Variants in NBAS observed in about 807,000 individuals in gnomAD.
NBAS encodes the protein NBAS subunit of NRZ tethering complex.
NBAS carries 219 observed loss-of-function variants against 302.5 expected under a neutral mutation model. The observed-to-expected ratio is 0.72, with a 90% confidence interval of 0.65 to 0.81. The LOEUF (loss-of-function observed/expected upper bound fraction) is 0.81, where lower values mean the gene tolerates loss of function less well. Ranked by LOEUF, NBAS falls within the 30% of genes least tolerant of loss-of-function variation. NBAS has a pLI of 0.00. For missense variants in NBAS, 2,932 were observed against 2,841.6 expected (o/e 1.03, Z -0.72); for synonymous variants, 1,118 against 1,021.6 (o/e 1.09, Z -1.80).
rs768106454 is a variant in NBAS, at chr2:15,275,584, T to C, written c.5624A>G (p.His1875Arg). 5.6e-6 allele frequency: 9 copies of C among 1,614,170 alleles called. No homozygotes were observed. The East Asian group carries it at 1.3e-4, about 24-fold the overall frequency. ...QVPGSSPEWL[H>R]AYDVCMKYFD... is the part of the protein sequence containing the mutation. ...GTACTTCATGCAGACATCATAGGCATGAAGCCACTCCGGTGAAGAGCCTGG... is the reference window on the plus strand; with the variant it reads ...GTACTTCATGCAGACATCATAGGCACGAAGCCACTCCGGTGAAGAGCCTGG... The change falls in exon 44 of 52, where the codon CAT becomes CGT. Residue 1875 changes from histidine (H) to arginine (R), a missense_variant. Coordinates refer to ENST00000281513, the MANE Select transcript of NBAS (RefSeq NM_015909.4).
intron 11 of NBAS, among the ~76,000 whole-genome samples, chr2:15,492,675 G>A (rs1022540227): frequency 3.3e-5 from 5 of 152,054 alleles, no homozygotes; most frequent in African/African-American, 1.2e-4. Context: ...TGCCCATGCT[G>A]GTCTCAAACT....
chr2:15,442,619 A>C (rs1431485138), intron 21 of NBAS, among the ~76,000 whole-genome samples: 2 of 151,946 alleles, frequency 1.3e-5, no homozygotes, highest in African/African-American at 4.8e-5. Flanking sequence ...AAACACATTC[A>C]AAAGCTAGCA....
At chr2:15,073,443 T>A in the NBAS span, among the ~76,000 whole-genome samples, 1 of 137,880 alleles carries the variant, frequency 7.3e-6, no homozygotes, top group African/African-American at 3.0e-5. Context: ...ACTATTGCAC[T>A]CCAGCCTGGG....
chr2:15,131,184 A>G, the NBAS span, among the ~76,000 whole-genome samples: 1 of 152,210 alleles, frequency 6.6e-6, no homozygotes, highest in Non-Finnish European at 1.5e-5. Flanking sequence ...GATGTTCAGT[A>G]TATATAAATT....
intron 30 of NBAS, among the ~76,000 whole-genome samples, chr2:15,375,458 G>T (rs1048134035): frequency 1.3e-5 from 2 of 152,160 alleles, no homozygotes; most frequent in African/African-American, 4.8e-5. Flanking sequence ...TAGAATCACA[G>T]ATCACGAGAT....
chr2:15,364,788 A>C (rs1199660634), intron 32 of NBAS, among the ~76,000 whole-genome samples: 1 of 152,104 alleles, frequency 6.6e-6, no homozygotes. Context: ...CCACGATCTG[A>C]TGAAATTTCA....
chr2:15,329,811 C>T (rs762629933), intron 36 of NBAS, among the ~76,000 whole-genome samples: 1 of 152,166 alleles, frequency 6.6e-6, no homozygotes, highest in Non-Finnish European at 1.5e-5. Flanking sequence ...TTCTGAAAAA[C>T]CTAACTTCTC....
the NBAS span, among the ~76,000 whole-genome samples, chr2:14,832,280 T>G: frequency 2.6e-5 from 4 of 152,188 alleles, no homozygotes; most frequent in Non-Finnish European, 5.9e-5. Context: ...ATGTTTGCTT[T>G]TTATTTGTTT....
At chr2:14,813,904 C>G in the NBAS span, among the ~76,000 whole-genome samples, 1 of 152,234 alleles carries the variant, frequency 6.6e-6, no homozygotes, top group Non-Finnish European at 1.5e-5. Context: ...TTTGGGGGGG[C>G]CAGGCCCATG....
intron 44 of NBAS, among the ~76,000 whole-genome samples, chr2:15,247,655 G>C (rs993151619): frequency 3.3e-4 from 50 of 151,182 alleles, no homozygotes; most frequent in Admixed American, 3.3e-3. Flanking sequence ...AATGCACCAA[G>C]AAGAGCTACT....
the NBAS span, among the ~76,000 whole-genome samples, chr2:14,992,205 A>C: frequency 6.6e-6 from 1 of 152,208 alleles, no homozygotes; most frequent in Non-Finnish European, 1.5e-5. Context: ...TATTTGCATT[A>C]TCCCTCCCAA....
rs541811148 is a variant in NBAS at position 15,179,052 on chromosome 2, A to T, written c.6776T>A (p.Leu2259His). The T allele has an allele frequency of 1.9e-6, 3 of 1,614,054 alleles. No individual in the cohort carries two copies. The highest frequency in any genetic ancestry group is 2.7e-5 in the African/African-American group (2 of 75,000). Residue 2259 changes from leucine to histidine, a missense_variant, in exon 51 of 52, where the codon CTC becomes CAC. Coordinates refer to ENST00000281513, the MANE Select transcript of NBAS (RefSeq NM_015909.4). ...QSLLLPSLKL[L>H]LESRDEHLHE... The stretch of plus-strand genomic sequence containing the variant: ...CAGATGCTCATCTCGGCTCTCGAGG[A>T]GAAGTTTCAGAGATGGAAGCAGGAG...
At chr2:15,302,212 A>C (rs1670834102) in intron 40 of NBAS, among the ~76,000 whole-genome samples, 1 of 152,220 alleles carries the variant, frequency 6.6e-6, no homozygotes, top group Admixed American at 6.5e-5. Context: ...AAGGCTTTGC[A>C]TCTTGATAGG....
chr2:15,476,211 A>G (rs553012287), intron 13 of NBAS, among the ~76,000 whole-genome samples: 1 of 152,324 alleles, frequency 6.6e-6, no homozygotes, highest in South Asian at 2.1e-4. Flanking sequence ...ACCTAAGTTG[A>G]AAGGCAGGTG....
chr2:15,124,435 AT>A, the NBAS span, among the ~76,000 whole-genome samples: 1 of 152,194 alleles, frequency 6.6e-6, no homozygotes, highest in Admixed American at 6.5e-5. Flanking sequence ...GCCTGGCCCT[AT>A]GGTAAAGAAA....
the NBAS span, among the ~76,000 whole-genome samples, chr2:15,069,283 G>T: frequency 6.6e-6 from 1 of 152,222 alleles, no homozygotes; most frequent in African/African-American, 2.4e-5. Context: ...CTTACAGCCA[G>T]ATGTTCAGGG....
At chr2:15,303,433 A>G (rs1670896090) in intron 40 of NBAS, among the ~76,000 whole-genome samples, 1 of 152,210 alleles carries the variant, frequency 6.6e-6, no homozygotes, top group African/African-American at 2.4e-5. Flanking sequence ...AATAAAACAC[A>G]CTTTCCACCA....
chr2:14,937,740 TC>T, the NBAS span, among the ~76,000 whole-genome samples: 1 of 152,178 alleles, frequency 6.6e-6, no homozygotes, highest in Non-Finnish European at 1.5e-5. Flanking sequence ...CTCCGAGGCT[TC>T]TTGGAAAATG....
intron 17 of NBAS, 33 bp from the exon 18 acceptor site, chr2:15,467,837 C>T (rs1340552065): frequency 6.6e-7 from 1 of 1,521,810 alleles, no homozygotes; most frequent in Non-Finnish European, 9.0e-7. Flanking sequence ...ATATTTTCAT[C>T]ATTTTTAAAA....
Sources: gnomAD v4.1 joint callset for allele counts (sites outside exome capture counted in the v4.1 genomes callset) on GRCh38, gnomAD v4.1.1 for gene constraint, MANE v1.5 for transcripts, NCBI Gene and HGNC (gene_info 2026-07-23, HGNC 2026-07-21) for gene names.